The following GPR19 variants were observed in gnomAD, a reference collection of about 807,000 sequenced individuals.
The protein encoded by GPR19 is probable G protein-coupled receptor 19.
A neutral mutation model predicts 28.5 loss-of-function variants in GPR19; 14 were observed. The ratio of observed to expected loss-of-function variants is 0.49; its 90% CI spans 0.32 to 0.77. GPR19 has a LOEUF of 0.77. Ranked by LOEUF, GPR19 falls within the 30% of genes least tolerant of loss-of-function variation. The probability of loss-of-function intolerance (pLI) is 0.03; values close to 1 mark genes in which losing one functional copy is unlikely to be tolerated. For synonymous variants in GPR19, 173 were observed against 184.1 expected (o/e 0.94, Z 0.49); for missense variants, 409 against 504.1 (o/e 0.81, Z 1.81).
intron 2 of GPR19, among the ~76,000 whole-genome samples, chr12:12,694,831 C>T (rs534473089): frequency 6.6e-6 from 1 of 152,320 alleles, no homozygotes; most frequent in East Asian, 1.9e-4. Flanking sequence ...AAACAAGACA[C>T]CCAGGCTTCA....
At chr12:12,668,530 T>C (rs968766961) in intron 3 of GPR19, among the ~76,000 whole-genome samples, 1 of 152,192 alleles carries the variant, frequency 6.6e-6, no homozygotes, top group African/African-American at 2.4e-5. Context: ...AAAAATACCC[T>C]AACAACTAAC....
chr12:12,706,090 G>A, the GPR19 span, among the ~76,000 whole-genome samples: 3 of 152,118 alleles, frequency 2.0e-5, no homozygotes, highest in Non-Finnish European at 4.4e-5. Context: ...ATTCATGTGG[G>A]TACACAGCAT....
chr12:12,685,507 T>C (rs1267671590), intron 2 of GPR19, among the ~76,000 whole-genome samples: 8 of 152,156 alleles, frequency 5.3e-5, no homozygotes, highest in East Asian at 3.8e-4. Flanking sequence ...CTAGTTGCCA[T>C]GGTGCTAGGT....
At chr12:12,706,204 T>C in the GPR19 span, among the ~76,000 whole-genome samples, 2 of 152,374 alleles carry the variant, frequency 1.3e-5, no homozygotes, top group Admixed American at 1.3e-4. Context: ...CCAAATGCAA[T>C]GGTCAGTTTT....
At chr12:12,678,500 C>T (rs1407968003) in intron 3 of GPR19, among the ~76,000 whole-genome samples, 1 of 152,160 alleles carries the variant, frequency 6.6e-6, no homozygotes, top group East Asian at 1.9e-4. Context: ...GAAAAGTGCA[C>T]TTATTCTCTC....
Position 12,695,520 on chromosome 12 carries a change from C to T in GPR19, c.-232-9G>A, listed in dbSNP as rs1946248330. 6.6e-6 allele frequency: 1 copy of T among 152,154 alleles called. No individual in the cohort carries two copies. The highest frequency in any genetic ancestry group is 1.5e-5 in the Non-Finnish European group (1 of 68,022). The allele number at this position is 152,154 out of a possible 1,614,324, so 9.4% of individuals were successfully genotyped here. A position where few individuals can be genotyped will look rare whatever the true frequency, so the allele number is the denominator to read the frequency against. On this transcript the variant is annotated splice_polypyrimidine_tract_variant and intron_variant, in intron 1 of 3. Transcript: ENST00000651487. ...CAGGTGTCCCATATATCCTGAGAGA[C>T]AAAAAGAGGTCAGATTGGTCAGATC...
intron 3 of GPR19, among the ~76,000 whole-genome samples, chr12:12,671,964 A>G (rs555367749): frequency 7.3e-4 from 111 of 152,370 alleles, no homozygotes; most frequent in African/African-American, 2.5e-3. Flanking sequence ...AAGAGATGCC[A>G]AAAGCAAAAG....
chr12:12,699,290 C>T (rs1056206424), upstream of GPR19, among the ~76,000 whole-genome samples: 4 of 151,442 alleles, frequency 2.6e-5, no homozygotes, highest in South Asian at 2.1e-4. Flanking sequence ...TGCAGTGAGC[C>T]GAGATCGTGC....
At chr12:12,664,422 T>G (rs949948177) in intron 3 of GPR19, among the ~76,000 whole-genome samples, 5 of 152,164 alleles carry the variant, frequency 3.3e-5, no homozygotes, top group African/African-American at 1.2e-4. Context: ...GCCTGTTCTA[T>G]ATTATCTTTA....
chr12:12,706,534 C>A, the GPR19 span, among the ~76,000 whole-genome samples: 1 of 152,270 alleles, frequency 6.6e-6, no homozygotes, highest in Non-Finnish European at 1.5e-5. Flanking sequence ...GACCCTTCTG[C>A]CCTGAATTCC....
chr12:12,664,277 T>C (rs1038533165), intron 3 of GPR19, among the ~76,000 whole-genome samples: 1 of 152,088 alleles, frequency 6.6e-6, no homozygotes, highest in Middle Eastern at 3.2e-3. Flanking sequence ...GGTGTAGCAA[T>C]TGCGCCCAGC....
chr12:12,700,161 T>TCTC (rs1565414499), upstream of GPR19, among the ~76,000 whole-genome samples: 1,922 of 145,646 alleles, frequency 0.013, 21 homozygotes, highest in Middle Eastern at 0.036. Flanking sequence ...CTCTCTTTCT[T>TCTC]TCTCTCTCTC....
Position 12,661,639 on chromosome 12 carries a change from T to G in GPR19, c.810A>C (p.Thr270=). 1 of 1,614,132 alleles carries G rather than the reference T, an allele frequency of 6.2e-7. No homozygotes were observed. Among genetic ancestry groups the G allele is most frequent in the Non-Finnish European group, 8.5e-7 (1 of 1,179,948 alleles). ...GGAACATCTTGATAGTTTTCACTTT[T>G]GTCCGAGGGACAATGTTCATTGTCC... ...VRRTMNIVPR[T]KVKTIKMFLI... is the part of the protein sequence containing the mutation. Residue 270 remains threonine, a synonymous_variant, in exon 4 of 4, where the codon ACA becomes ACC. Transcript: ENST00000651487. This position sits in a 1 kb window ranked among gnomAD's most constrained non-coding sequence, Gnocchi z 4.2.
At chr12:12,696,597 T>C (rs926095931), upstream of GPR19, among the ~76,000 whole-genome samples, 4 of 152,200 alleles carry the variant, frequency 2.6e-5, no homozygotes, top group Admixed American at 2.0e-4. Flanking sequence ...TTTATCACCT[T>C]GGAACCAGCG....
intron 3 of GPR19, among the ~76,000 whole-genome samples, chr12:12,675,258 C>A (rs775066232): frequency 1.3e-5 from 2 of 152,040 alleles, no homozygotes; most frequent in Non-Finnish European, 2.9e-5. Flanking sequence ...ATAAGTGGAG[C>A]CGAGAGGAAC....
intron 3 of GPR19, among the ~76,000 whole-genome samples, chr12:12,675,161 C>T (rs570938244): frequency 2.0e-5 from 3 of 152,256 alleles, no homozygotes; most frequent in Admixed American, 6.5e-5. Context: ...TTGTGATAGT[C>T]TGTTGTCCTG....
In GPR19 at chr12:12,662,143, G is replaced by A. The variant is rs1326617382; in HGVS notation, c.306C>T (p.Tyr102=). 1 of 1,614,036 alleles carries A rather than the reference G, an allele frequency of 6.2e-7. No individual in the cohort carries two copies. The highest frequency in any genetic ancestry group is 2.2e-5 in the East Asian group (1 of 44,888). Residue 102 remains tyrosine, a synonymous_variant, in exon 4 of 4, where the codon TAC becomes TAT. Coordinates refer to ENST00000651487, the MANE Select transcript of GPR19 (RefSeq NM_006143.3). ...CAGCACATGCCATGGAGACCACAAA[G>A]TAGTTGGTGGTAGACTGAGTCCTCC... ...RSRRTQSTTN[Y]FVVSMACADL...
upstream of GPR19, chr12:12,696,339 C>CTTTTT (rs578240364): frequency 1.1e-5 from 1 of 88,660 alleles, no homozygotes; most frequent in Non-Finnish European, 2.2e-5. Context: ...CCCACCCGCC[C>CTTTTT]TTTTTTTTTT....
chr12:12,672,476 G>A (rs1348025420), intron 3 of GPR19, among the ~76,000 whole-genome samples: 1 of 152,170 alleles, frequency 6.6e-6, no homozygotes, highest in Non-Finnish European at 1.5e-5. Flanking sequence ...GCTGGGTGTG[G>A]TGACTCATGC....
Sources: allele counts gnomAD v4.1 joint callset (sites outside exome capture counted in the v4.1 genomes callset), GRCh38; gene constraint gnomAD v4.1.1; non-coding constraint Gnocchi (gnomAD v3.1); transcripts MANE v1.5; gene names NCBI Gene and HGNC (gene_info 2026-07-23, HGNC 2026-07-21).